Variants in ACOT7 observed in about 807,000 individuals in gnomAD.
ACOT7 encodes the protein cytosolic acyl coenzyme A thioester hydrolase.
In ACOT7, 12 loss-of-function variants were observed where a neutral mutation model predicts 40.2. The observed-to-expected ratio is 0.30, with a 90% CI of 0.19 to 0.48. The LOEUF is 0.48. ACOT7 is among the 20% of genes least tolerant of loss of function. The pLI, the probability that ACOT7 is intolerant of heterozygous loss-of-function variation, is 0.99. For synonymous variants in ACOT7, 228 were observed against 219.5 expected, an observed-to-expected ratio of 1.04 and a Z score of -0.34; for missense variants, 395 against 530.8, an observed-to-expected ratio of 0.74 and a Z score of 2.51.
chr1:6,338,391 T>A lies in ACOT7; in HGVS notation c.418+1042A>T, dbSNP rs1571321562. ...CTGCTCCTGTTGTGGGAGGTGCCCA[T>A]ACACCCCTTCCTGGGCCACATCCTG... is the stretch of plus-strand genomic sequence containing the variant. On this transcript the variant is annotated intron_variant, in intron 3 of 8. Coordinates refer to ENST00000361521, the MANE Select transcript of ACOT7 (RefSeq NM_007274.4). This position sits in a 1 kb window ranked among gnomAD's most constrained non-coding sequence, Gnocchi z 4.4. Among the ~76,000 whole-genome samples, 1 of 152,246 alleles carries A rather than the reference T, an allele frequency of 6.6e-6. No homozygotes were observed. The highest frequency in any genetic ancestry group is 1.9e-4 in the East Asian group (1 of 5,170).
rs1444367979 is a variant in ACOT7 at position 6,338,035 on chromosome 1, T to C, written c.418+1398A>G. On this transcript the variant is annotated intron_variant, in intron 3 of 8. Coordinates refer to ENST00000361521, the MANE Select transcript of ACOT7 (RefSeq NM_007274.4). This position sits in a 1 kb window ranked among gnomAD's most constrained non-coding sequence, Gnocchi z 4.4. ...AAAAAAAAAAAAAAGAAACCTGCTC[T>C]TCAGGGCTTCCTCTGAGGCTATGGC... Among the ~76,000 whole-genome samples, 1 of 149,812 alleles carries C rather than the reference T, an allele frequency of 6.7e-6. No homozygotes were observed. Among genetic ancestry groups the C allele is most frequent in the Non-Finnish European group, 1.5e-5 (1 of 67,716 alleles).
intron 5 of ACOT7, among the ~76,000 whole-genome samples, chr1:6,323,989 G>A (rs1411463016): frequency 1.3e-5 from 2 of 151,874 alleles, no homozygotes; most frequent in Admixed American, 6.6e-5. Flanking sequence ...GTCCTCCCAC[G>A]GGATGGGATA....
At chr1:6,340,953 G>T (rs112930020) in intron 2 of ACOT7, among the ~76,000 whole-genome samples, 6,085 of 151,840 alleles carry the variant, frequency 0.04, 270 homozygotes, top group African/African-American at 0.11. Flanking sequence ...TGAGAATCAG[G>T]TGAACTCGGG....
At chr1:6,316,059 G>A (rs942274110) in intron 6 of ACOT7, among the ~76,000 whole-genome samples, 2 of 152,162 alleles carry the variant, frequency 1.3e-5, no homozygotes, top group East Asian at 1.9e-4. Context: ...TTTTCAGCAC[G>A]TAGACAGCGA....
intron 8 of ACOT7, 49 bp downstream of exon 8, chr1:6,281,053 T>C (rs771048922): frequency 5.7e-6 from 9 of 1,586,694 alleles, no homozygotes; most frequent in Non-Finnish European, 6.8e-6. Context: ...ACAGGGACCC[T>C]AGGGCTGCCT....
In ACOT7 at chr1:6,306,586, G is replaced by A. The variant is rs1178170952; in HGVS notation, c.713-11606C>T. ...GGAGAACGATGTTTTCAAACACCAAGATCCTAGAAGGCGAGTACTAGAAGG... is the reference window on the plus strand; with the variant it reads ...GGAGAACGATGTTTTCAAACACCAAAATCCTAGAAGGCGAGTACTAGAAGG... On this transcript the variant is annotated intron_variant, in intron 6 of 8. Transcript: ENST00000361521. This position sits in a 1 kb window ranked among gnomAD's most constrained non-coding sequence, Gnocchi z 4.3. 3 of 985,430 alleles carry A rather than the reference G, an allele frequency of 3.0e-6. No homozygotes were observed. Among genetic ancestry groups the A allele is most frequent in the Non-Finnish European group, 3.6e-6 (3 of 829,922 alleles). The allele number at this position is 985,430 out of a possible 1,614,324, so 61.0% of individuals were successfully genotyped here. A position where few individuals can be genotyped will look rare whatever the true frequency, so the allele number is the denominator to read the frequency against.
At position 6,355,938 on chromosome 1, in the gene ACOT7, TG is replaced by T. The variant is rs1295507911; in HGVS notation, c.144-6073del. 6.6e-6 allele frequency among the ~76,000 whole-genome samples: 1 copy of T among 152,162 alleles called. No homozygotes were observed. The highest frequency in any genetic ancestry group is 2.4e-5 in the African/African-American group (1 of 41,442). On this transcript the variant is annotated intron_variant, in intron 1 of 8. Coordinates refer to ENST00000361521, the MANE Select transcript of ACOT7 (RefSeq NM_007274.4). The surrounding 1 kb of genome is among the most constrained non-coding windows in gnomAD (Gnocchi z 5.0). ...AGGGCTGGCCATGCCTCCTGTGCCC[TG>T]GGGTCCTCTCAAGGTGGAGTCCCAC...
chr1:6,340,780 A>C (rs1641254677), intron 2 of ACOT7, among the ~76,000 whole-genome samples: 1 of 152,020 alleles, frequency 6.6e-6, no homozygotes, highest in African/African-American at 2.4e-5. Context: ...TCATGACTAT[A>C]ATTCCAGAAC....
chr1:6,337,866 T>G (rs1327838747), intron 3 of ACOT7, among the ~76,000 whole-genome samples: 2 of 151,916 alleles, frequency 1.3e-5, no homozygotes, highest in African/African-American at 4.8e-5. Context: ...TCCCAGCTAC[T>G]CAGGAGGCTG....
rs565873824 is a variant in ACOT7 at position 6,311,692 on chromosome 1, T to C, written c.712+6800A>G. ...GCTCACTTAAGGGTACCCAGGAAGA[T>C]GACAAGAAGGATTTCAGAACTGGGA... On this transcript the variant is annotated intron_variant, in intron 6 of 8. Coordinates refer to ENST00000361521, the MANE Select transcript of ACOT7 (RefSeq NM_007274.4). This position sits in a 1 kb window ranked among gnomAD's most constrained non-coding sequence, Gnocchi z 5.2. 6.6e-6 allele frequency among the ~76,000 whole-genome samples: 1 copy of C among 152,210 alleles called. No homozygotes were observed. Among genetic ancestry groups the C allele is most frequent in the East Asian group, 1.9e-4 (1 of 5,168 alleles).
intron 7 of ACOT7, among the ~76,000 whole-genome samples, chr1:6,291,860 G>C (rs1378225193): frequency 6.6e-6 from 1 of 152,208 alleles, no homozygotes; most frequent in Admixed American, 6.5e-5. Context: ...AGAGCCAGCA[G>C]GGGCCGTGCC....
intron 1 of ACOT7, 139 bp from the exon 2 acceptor site, chr1:6,350,005 T>C: frequency 1.2e-6 from 1 of 826,242 alleles, no homozygotes; most frequent in Non-Finnish European, 1.9e-6. Context: ...GTTTGGGCTC[T>C]TCCTAGGTGG....
At chr1:6,329,321 G>A (rs1640892097) in intron 4 of ACOT7, among the ~76,000 whole-genome samples, 1 of 152,206 alleles carries the variant, frequency 6.6e-6, no homozygotes, top group African/African-American at 2.4e-5. Flanking sequence ...AAACTGTGGG[G>A]AGTGTTTTAA....
intron 2 of ACOT7, among the ~76,000 whole-genome samples, chr1:6,349,158 C>G (rs2148454823): frequency 6.6e-6 from 1 of 152,360 alleles, no homozygotes; most frequent in South Asian, 2.1e-4. Flanking sequence ...GAGGTTGACA[C>G]TAGACACCGT....
chr1:6,338,656 T>C lies in ACOT7; in HGVS notation c.418+777A>G, dbSNP rs1181279020. On this transcript the variant is annotated intron_variant, in intron 3 of 8. Coordinates refer to ENST00000361521, the MANE Select transcript of ACOT7 (RefSeq NM_007274.4). The surrounding 1 kb of genome is among the most constrained non-coding windows in gnomAD (Gnocchi z 4.4). ...AGAGGACTCAAGCCCCTCAAATGGC[T>C]GTGAGCTGGCACTCCACGGGGCAGC... Among the ~76,000 whole-genome samples, 1 of 152,154 alleles carries C rather than the reference T, an allele frequency of 6.6e-6. No homozygotes were observed. Among genetic ancestry groups the C allele is most frequent in the Non-Finnish European group, 1.5e-5 (1 of 68,026 alleles).
intron 6 of ACOT7, among the ~76,000 whole-genome samples, chr1:6,316,042 T>A (rs1363956580): frequency 6.6e-6 from 1 of 151,980 alleles, no homozygotes; most frequent in Non-Finnish European, 1.5e-5. Flanking sequence ...GGCTTAAGGG[T>A]GTGGACTTTT....
At chr1:6,366,164 G>A (rs1642006784) in intron 1 of ACOT7, among the ~76,000 whole-genome samples, 1 of 152,040 alleles carries the variant, frequency 6.6e-6, no homozygotes. Context: ...CCAAAGTGCT[G>A]GGATTACCGC....
rs948140559 is a variant in ACOT7, at chr1:6,306,657, G to C, written c.713-11677C>G. The C allele has an allele frequency of 2.0e-6, 2 of 985,192 alleles. No individual in the cohort carries two copies. Among genetic ancestry groups the C allele is most frequent in the Admixed American group, 1.2e-4 (2 of 16,248 alleles). The allele number at this position is 985,192 out of a possible 1,614,324, so 61.0% of individuals were successfully genotyped here. On this transcript the variant is annotated intron_variant, in intron 6 of 8. Transcript: ENST00000361521. This position sits in a 1 kb window ranked among gnomAD's most constrained non-coding sequence, Gnocchi z 4.3. The stretch of plus-strand genomic sequence containing the variant: ...CACTCAGCTTCACGAGGAAGAAAGC[G>C]GCGTCCCAAAGCATTTGTTTGTTCA...
intron 1 of ACOT7, among the ~76,000 whole-genome samples, chr1:6,378,230 T>C (rs1430059544): frequency 7.3e-6 from 1 of 137,800 alleles, no homozygotes; most frequent in Non-Finnish European, 1.6e-5. Context: ...GCCTGGAGAT[T>C]GTCGGGAGGG....
Sources: gnomAD v4.1 joint callset for allele counts (sites outside exome capture counted in the v4.1 genomes callset) on GRCh38, gnomAD v4.1.1 for gene constraint, Gnocchi (gnomAD v3.1) non-coding constraint, MANE v1.5 for transcripts, NCBI Gene and HGNC (gene_info 2026-07-23, HGNC 2026-07-21) for gene names.